Variants in THEM5 observed in about 807,000 individuals in gnomAD.
THEM5 encodes thioesterase superfamily member 5.
A neutral mutation model predicts 24.2 loss-of-function variants in THEM5; 28 were observed. That is an observed-to-expected ratio of 1.16 (90% CI 0.86 to 1.59). The LOEUF (loss-of-function observed/expected upper bound fraction) is 1.59. Ranked by LOEUF, THEM5 falls within the 40% of genes most tolerant of loss-of-function variation. The probability of loss-of-function intolerance (pLI) is 0.00; values close to 1 mark genes in which losing one functional copy is unlikely to be tolerated. For synonymous variants in THEM5, 87 were observed against 114.5 expected (o/e 0.76, Z 1.53); for missense variants, 260 against 296.8 (o/e 0.88, Z 0.91).
At position 151,851,039 on chromosome 1, in the gene THEM5, AC is replaced by A; in HGVS notation, c.464+13del. 1 of 1,613,934 alleles carries A rather than the reference AC, an allele frequency of 6.2e-7. No homozygotes were observed. ...AAGCCCAGGAGGCAGCCAAGGTCCT[AC>A]CAGTGACCTTACCCTGGGGGCCCCT... On this transcript the variant is annotated intron_variant, in intron 3 of 5. Coordinates refer to ENST00000368817, the MANE Select transcript of THEM5 (RefSeq NM_182578.4).
intron 4 of THEM5, 114 bp from the exon 5 acceptor site, chr1:151,847,976 G>T: frequency 1.3e-6 from 2 of 1,541,836 alleles, no homozygotes; most frequent in Non-Finnish European, 1.7e-6. Context: ...ACTCAGAAGT[G>T]GCCCTGGGCT....
chr1:151,853,702 T>A lies in THEM5; in HGVS notation c.-137A>T. The A allele has an allele frequency of 8.1e-7, 1 of 1,236,040 alleles. No individual in the cohort carries two copies. The highest frequency in any genetic ancestry group is 1.1e-6 in the Non-Finnish European group (1 of 917,612). The allele number at this position is 1,236,040 out of a possible 1,614,324, so 76.6% of individuals were successfully genotyped here. ...TTCAGAGAGCTAGGCGAGGCTGGGC[T>A]GGTGTGCTGCAACACCCACAGATGC... is the stretch of plus-strand genomic sequence containing the variant. On this transcript the variant is annotated 5_prime_UTR_variant, in exon 1 of 6. Transcript: ENST00000368817.
chr1:151,852,226 T>G (rs1653147879), intron 2 of THEM5, 32 bp downstream of exon 2: 1 of 1,604,386 alleles, frequency 6.2e-7, no homozygotes, highest in Admixed American at 1.7e-5. Context: ...GAAGGGCGGC[T>G]GGGGTGTGTG....
At chr1:151,853,237 G>T (rs998500) in intron 1 of THEM5, among the ~76,000 whole-genome samples, 1 of 152,116 alleles carries the variant, frequency 6.6e-6, no homozygotes, top group African/African-American at 2.4e-5. Flanking sequence ...ACAAGACACA[G>T]AGCCAGATGC....
Position 151,848,412 on chromosome 1 carries a change from AAC to A in THEM5, c.465-122_465-121del, listed in dbSNP as rs1233187496. The A allele has an allele frequency of 2.8e-5, 21 of 741,528 alleles. No homozygotes were observed. In the Admixed American group the frequency reaches 5.0e-4, roughly 18 times the overall value. 45.9% of individuals were successfully genotyped at this position (741,528 alleles called of 1,614,324 possible). ...CTTTCCCTTTCCCTAGACCCTTCCAAACACAGACGTTCAGCCTCAGGGCAGCC... is the reference window on the plus strand; with the variant it reads ...CTTTCCCTTTCCCTAGACCCTTCCAAACAGACGTTCAGCCTCAGGGCAGCC... On this transcript the variant is annotated intron_variant, in intron 3 of 5. Transcript: ENST00000368817.
At chr1:151,849,641 C>A (rs1293299254) in intron 3 of THEM5, among the ~76,000 whole-genome samples, 1 of 152,206 alleles carries the variant, frequency 6.6e-6, no homozygotes, top group Admixed American at 6.5e-5. Flanking sequence ...ACATAATTTA[C>A]ACACTTCTTA....
At chr1:151,852,041 T>G (rs1421060662) in intron 2 of THEM5, among the ~76,000 whole-genome samples, 2 of 152,014 alleles carry the variant, frequency 1.3e-5, no homozygotes, top group African/African-American at 4.8e-5. Flanking sequence ...GGAGCGAAGG[T>G]GGGCCCACCA....
intron 3 of THEM5, 35 bp downstream of exon 3, chr1:151,851,018 C>T (rs1572062124): frequency 6.2e-7 from 1 of 1,612,680 alleles, no homozygotes; most frequent in Non-Finnish European, 8.5e-7. Context: ...TGAGCCAAGC[C>T]CAGGAGGCAG....
intron 2 of THEM5, among the ~76,000 whole-genome samples, 200 bp from the exon 3 acceptor site, chr1:151,851,391 C>T (rs1009289124): frequency 3.3e-5 from 5 of 152,138 alleles, no homozygotes; most frequent in Non-Finnish European, 5.9e-5. Flanking sequence ...AGGGCAGAAA[C>T]ATGCAGGAAG....
intron 2 of THEM5, 45 bp from the exon 3 acceptor site, chr1:151,851,236 G>C (rs746184044): frequency 6.2e-7 from 1 of 1,613,012 alleles, no homozygotes; most frequent in East Asian, 2.2e-5. Context: ...GGGAGGGTAT[G>C]GTCAGGATGC....
chr1:151,847,765 G>T lies in THEM5; in HGVS notation c.673C>A (p.Gln225Lys), dbSNP rs1652981416. 2 of 1,613,216 alleles carry T rather than the reference G, an allele frequency of 1.2e-6. No homozygotes were observed. The highest frequency in any genetic ancestry group is 1.7e-6 in the Non-Finnish European group (2 of 1,179,986). ...YMSCIAHSRDQQTVYAKSSGV... is the reference protein window; with the variant it reads ...YMSCIAHSRDKQTVYAKSSGV... ...GAGGACTTGGCATAAACTGTCTGCT[G>T]GTCTCTGCTGTGGGCGATGCAGGAC... is the stretch of plus-strand genomic sequence containing the variant. The change falls in exon 5 of 6, where the codon CAG becomes AAG. Residue 225 changes from glutamine to lysine, a missense_variant. Gln to Lys is a moderately conservative substitution (Grantham distance 53, BLOSUM62 1). Transcript: ENST00000368817.
intron 1 of THEM5, 33 bp from the exon 2 acceptor site, chr1:151,852,492 A>T (rs771145293): frequency 1.2e-6 from 2 of 1,609,370 alleles, no homozygotes; most frequent in Non-Finnish European, 1.7e-6. Flanking sequence ...ACTAGACAGC[A>T]TCCTGGAGGG....
rs1181002645 is a variant in THEM5, at chr1:151,848,221, T to C, written c.536A>G (p.Glu179Gly). 1.2e-6 allele frequency: 2 copies of C among 1,614,138 alleles called. No individual in the cohort carries two copies. Among genetic ancestry groups the C allele is most frequent in the Admixed American group, 3.3e-5 (2 of 60,024 alleles). The change falls in exon 4 of 6, where the codon GAG becomes GGG. Residue 179 changes from glutamate (E) to glycine (G), a missense_variant. By Grantham distance (98) the Glu-to-Gly change is moderately conservative. Coordinates refer to ENST00000368817, the MANE Select transcript of THEM5 (RefSeq NM_182578.4). Reference sequence around the variant, plus strand: ...GTTGAGACTTAGTGTGAACAGCCCCTCTCCAGCCAGGAAGGCAGTTTTAGA... The same window carrying C: ...GTTGAGACTTAGTGTGAACAGCCCCCCTCCAGCCAGGAAGGCAGTTTTAGA... ...TFSKTAFLAG[E>G]GLFTLSLNIR...
In THEM5 at chr1:151,853,342, C is replaced by T. The variant is rs182444579; in HGVS notation, c.123+101G>A. The T allele has an allele frequency of 4.2e-5, 60 of 1,442,624 alleles. No individual in the cohort carries two copies. The East Asian group carries it at 1.3e-3, about 32-fold the overall frequency. 89.4% of individuals were successfully genotyped at this position (1,442,624 alleles called of 1,614,324 possible). On this transcript the variant is annotated intron_variant, in intron 1 of 5. Coordinates refer to ENST00000368817, the MANE Select transcript of THEM5 (RefSeq NM_182578.4). ...TCAAATAGCTCCTCCGAACACTGCC[C>T]ACCTGCCCTGGCCATGGGCTGGGAA...
chr1:151,849,193 T>G (rs1450454267), intron 3 of THEM5, among the ~76,000 whole-genome samples: 2 of 150,310 alleles, frequency 1.3e-5, no homozygotes, highest in African/African-American at 2.5e-5. Context: ...CATTCCAGCC[T>G]GGGCAACAGA....
rs1282333372 is a variant in THEM5 at position 151,847,332 on chromosome 1, G to A, written c.*39C>T. Reference sequence around the variant, plus strand: ...AGGGGAGGCAGGAGGCAGGAGGCAGGCAGGGGAGGCAGTGGCTCTCCTGCA... The same window carrying A: ...AGGGGAGGCAGGAGGCAGGAGGCAGACAGGGGAGGCAGTGGCTCTCCTGCA... On this transcript the variant is annotated 3_prime_UTR_variant, in exon 6 of 6. Transcript: ENST00000368817. 2 of 1,607,394 alleles carry A rather than the reference G, an allele frequency of 1.2e-6. No homozygotes were observed. Among genetic ancestry groups the A allele is most frequent in the Non-Finnish European group, 1.7e-6 (2 of 1,175,638 alleles).
Position 151,852,450 on chromosome 1 carries a change from A to T in THEM5, c.133T>A (p.Phe45Ile). Reference sequence around the variant, plus strand: ...TTCAAGTCTGTCTTCTCTGGCAAGAATCTTGAGAACTGGGCAGGAAAAATC... The same window carrying T: ...TTCAAGTCTGTCTTCTCTGGCAAGATTCTTGAGAACTGGGCAGGAAAAATC... ...GSSTDSMFSR[F>I]LPEKTDLKDY... Residue 45 changes from phenylalanine (F) to isoleucine (I), a missense_variant, in exon 2 of 6, where the codon TTC (phenylalanine) becomes ATC (isoleucine). Phe to Ile is a conservative substitution (Grantham distance 21, BLOSUM62 0). Coordinates refer to ENST00000368817, the MANE Select transcript of THEM5 (RefSeq NM_182578.4). 6.2e-7 allele frequency: 1 copy of T among 1,614,172 alleles called. No individual in the cohort carries two copies. Among genetic ancestry groups the T allele is most frequent in the Non-Finnish European group, 8.5e-7 (1 of 1,180,034 alleles).
In THEM5 at chr1:151,847,871, C is replaced by G. The variant is rs376482006; in HGVS notation, c.576-9G>C. On this transcript the variant is annotated splice_polypyrimidine_tract_variant and intron_variant, in intron 4 of 5. Transcript: ENST00000368817. ...AGTCCACGGGGATCAAGCTGGGAGA[C>G]GAGGCAGCTTAGCCCATCTCTCATG... 1.2e-6 allele frequency: 2 copies of G among 1,613,848 alleles called. No individual in the cohort carries two copies. Among genetic ancestry groups the G allele is most frequent in the Non-Finnish European group, 1.7e-6 (2 of 1,179,980 alleles).
chr1:151,850,928 T>G (rs1039354728), intron 3 of THEM5, 125 bp downstream of exon 3: 3 of 1,229,190 alleles, frequency 2.4e-6, no homozygotes, highest in African/African-American at 3.0e-5. Context: ...TGAAGCCTAG[T>G]GCCCCACACT....
Sources: gnomAD v4.1 joint callset for allele counts (sites outside exome capture counted in the v4.1 genomes callset) on GRCh38, gnomAD v4.1.1 for gene constraint, MANE v1.5 for transcripts, NCBI Gene and HGNC (gene_info 2026-07-23, HGNC 2026-07-21) for gene names.